ABCC8: variants seen among roughly 807,000 people sequenced by gnomAD.
The protein encoded by ABCC8 is ATP binding cassette subfamily C member 8.
ABCC8 carries 137 observed loss-of-function variants against 188.0 expected under a neutral mutation model. The observed-to-expected ratio is 0.73, with a 90% CI of 0.63 to 0.84. The LOEUF is 0.84. Among genes scored for constraint, ABCC8 ranks in the 40% least tolerant of loss-of-function variants. ABCC8 has a pLI of 0.00. For missense variants in ABCC8, 1,750 were observed against 2,072.7 expected, an observed-to-expected ratio of 0.84 and a Z score of 3.02; for synonymous variants, 797 against 846.5, an observed-to-expected ratio of 0.94 and a Z score of 1.01.
intron 6 of ABCC8, among the ~76,000 whole-genome samples, chr11:17,458,661 C>A (rs1163287783): frequency 2.0e-5 from 3 of 152,182 alleles, no homozygotes; most frequent in Non-Finnish European, 4.4e-5. Flanking sequence ...CTTTTATGGG[C>A]CAGGTAAAGT....
At chr11:17,470,906 T>C (rs1048723257) in intron 2 of ABCC8, among the ~76,000 whole-genome samples, 3 of 152,198 alleles carry the variant, frequency 2.0e-5, no homozygotes, top group African/African-American at 7.2e-5. Context: ...GGCCTCAGTC[T>C]TCCCTGGGCC....
At chr11:17,437,230 G>A (rs1956140781) in intron 10 of ABCC8, among the ~76,000 whole-genome samples, 1 of 151,326 alleles carries the variant, frequency 6.6e-6, no homozygotes, top group Admixed American at 6.6e-5. Flanking sequence ...CTCAACCCTT[G>A]CCCCATACAA....
intron 23 of ABCC8, among the ~76,000 whole-genome samples, chr11:17,407,946 T>C (rs1214270379): frequency 2.0e-5 from 3 of 152,124 alleles, no homozygotes; most frequent in Non-Finnish European, 4.4e-5. Flanking sequence ...TGGAGCCAAT[T>C]TGAGGGGAGC....
At chr11:17,426,486 G>C (rs558338859) in intron 16 of ABCC8, among the ~76,000 whole-genome samples, 3 of 152,308 alleles carry the variant, frequency 2.0e-5, no homozygotes, top group South Asian at 4.1e-4. Context: ...TAACAGATTC[G>C]TGATTGACTG....
chr11:17,428,057 T>C, intron 14 of ABCC8, 115 bp from the exon 15 acceptor site: 2 of 1,589,242 alleles, frequency 1.3e-6, no homozygotes, highest in South Asian at 1.1e-5. Flanking sequence ...TTCCAGCCCC[T>C]GGATCACTTC....
intron 7 of ABCC8, among the ~76,000 whole-genome samples, chr11:17,451,066 A>G (rs1261214077): frequency 6.6e-6 from 1 of 152,208 alleles, no homozygotes; most frequent in Non-Finnish European, 1.5e-5. Context: ...AACATGAAAG[A>G]TTCAAGCAAT....
In ABCC8 at chr11:17,460,575, C is replaced by T. The variant is rs866337666; in HGVS notation, c.924G>A (p.Leu308=). 1.2e-6 allele frequency: 2 copies of T among 1,613,816 alleles called. No individual in the cohort carries two copies. Among genetic ancestry groups the T allele is most frequent in the Non-Finnish European group, 1.7e-6 (2 of 1,180,044 alleles). ...RLVLSSTFRI[L]ADLLGFAGPL... is the part of the protein sequence containing the mutation. ...GCCCGGCGAAGCCCAGCAGGTCGGC[C>T]AAGATGCGGAAAGTGCTGCTGAGGA... Residue 308 remains leucine (L), a synonymous_variant, in exon 6 of 39, where the codon TTG becomes TTA. Transcript: ENST00000389817.
chr11:17,439,919 C>T (rs1046466908), intron 10 of ABCC8, among the ~76,000 whole-genome samples: 2 of 152,190 alleles, frequency 1.3e-5, no homozygotes, highest in African/African-American at 4.8e-5. Context: ...TCTGGGGGCT[C>T]TGGGGGACAA....
chr11:17,457,414 T>G (rs929983073), intron 6 of ABCC8, among the ~76,000 whole-genome samples: 4 of 152,198 alleles, frequency 2.6e-5, no homozygotes, highest in African/African-American at 9.6e-5. Context: ...CTACTGAGAC[T>G]TAGAGGCTGT....
intron 8 of ABCC8, among the ~76,000 whole-genome samples, chr11:17,447,415 T>C (rs1041560303): frequency 3.3e-5 from 5 of 152,192 alleles, no homozygotes; most frequent in Admixed American, 6.5e-5. Flanking sequence ...AAAAATACCA[T>C]GTTTTAACGT....
chr11:17,401,134 CT>C (rs1367586415), intron 29 of ABCC8, among the ~76,000 whole-genome samples: 1 of 152,202 alleles, frequency 6.6e-6, no homozygotes, highest in East Asian at 1.9e-4. Flanking sequence ...GTCACCATCT[CT>C]CTACCCCAGG....
In ABCC8 at chr11:17,428,125, G is replaced by T. The variant is rs1955669921; in HGVS notation, c.2040+164C>A. 2.6e-6 allele frequency: 4 copies of T among 1,557,846 alleles called. No homozygotes were observed. In the African/African-American group the frequency reaches 5.4e-5, roughly 21 times the overall value. On this transcript the variant is annotated intron_variant, in intron 14 of 38. Transcript: ENST00000389817. ...TGCTGACCCTTGCCTAAGGCTGGGG[G>T]TCCCCCCACTTGGTGGTCCCTGGTT...
At chr11:17,401,723 G>A (rs1000034444) in intron 29 of ABCC8, among the ~76,000 whole-genome samples, 5 of 152,194 alleles carry the variant, frequency 3.3e-5, no homozygotes, top group Admixed American at 2.6e-4. Context: ...GACTGGAAGA[G>A]AGATGCCTCT....
At chr11:17,394,210 G>A (rs1309776458) in intron 37 of ABCC8, 56 bp downstream of exon 37, 3 of 1,589,990 alleles carry the variant, frequency 1.9e-6, no homozygotes, top group Non-Finnish European at 2.6e-6. Context: ...TTTCTCCCTA[G>A]CATCCCACTA....
At chr11:17,432,452 C>A (rs1325492269) in intron 10 of ABCC8, 3 of 1,087,712 alleles carry the variant, frequency 2.8e-6, no homozygotes, top group Non-Finnish European at 3.9e-6. Flanking sequence ...TACCCCGGCC[C>A]CCGACTCTGG....
chr11:17,437,158 T>C (rs1232354711), intron 10 of ABCC8, among the ~76,000 whole-genome samples: 1 of 149,918 alleles, frequency 6.7e-6, no homozygotes, highest in East Asian at 2.0e-4. Context: ...TTCCAGGCCT[T>C]GTGCTGGTGT....
At chr11:17,418,219 G>A (rs780478146) in intron 16 of ABCC8, among the ~76,000 whole-genome samples, 8 of 152,050 alleles carry the variant, frequency 5.3e-5, no homozygotes, top group African/African-American at 7.3e-5. Context: ...CGACTCCAAC[G>A]TTCATACTCT....
chr11:17,402,904 G>A (rs1238881412), intron 28 of ABCC8, 151 bp from the exon 29 acceptor site: 1 of 899,298 alleles, frequency 1.1e-6, no homozygotes, highest in South Asian at 1.4e-5. Flanking sequence ...GGAAGACAAT[G>A]CCACCAGCCC....
chr11:17,466,511 G>T (rs763100406), intron 3 of ABCC8, among the ~76,000 whole-genome samples: 9 of 152,268 alleles, frequency 5.9e-5, no homozygotes, highest in South Asian at 2.1e-4. Flanking sequence ...CTGTAAGGAG[G>T]GAGAAATGGG....
Sources: allele counts gnomAD v4.1 joint callset (sites outside exome capture counted in the v4.1 genomes callset), GRCh38; gene constraint gnomAD v4.1.1; transcripts MANE v1.5; gene names NCBI Gene and HGNC (gene_info 2026-07-23, HGNC 2026-07-21).